Variants in PM20D2 observed in about 807,000 individuals in gnomAD.
PM20D2 encodes xaa-Arg dipeptidase.
A neutral mutation model predicts 42.9 loss-of-function variants in PM20D2; 33 were observed. That is an observed-to-expected ratio of 0.77 (90% CI 0.58 to 1.03). PM20D2 has a LOEUF of 1.03. PM20D2 is among the 50% of genes least tolerant of loss of function. The pLI is 0.00. For missense variants in PM20D2, 548 were observed against 557.0 expected (o/e 0.98, Z 0.16); for synonymous variants, 250 against 228.2 (o/e 1.10, Z -0.86).
the PM20D2 span, among the ~76,000 whole-genome samples, chr6:89,107,555 C>T: frequency 6.6e-6 from 1 of 152,114 alleles, no homozygotes; most frequent in South Asian, 2.1e-4. Flanking sequence ...CATGGTGAAA[C>T]CCCGTCTCTA....
the PM20D2 span, among the ~76,000 whole-genome samples, chr6:89,117,146 G>A: frequency 1.3e-5 from 2 of 152,126 alleles, no homozygotes; most frequent in Non-Finnish European, 2.9e-5. Flanking sequence ...CAACGGAGGG[G>A]TGGGGCATCA....
the PM20D2 span, among the ~76,000 whole-genome samples, chr6:89,125,256 G>A: frequency 1.7e-4 from 26 of 152,090 alleles, no homozygotes; most frequent in African/African-American, 4.3e-4. Flanking sequence ...CGAGGTGGGC[G>A]GATCACGAGG....
At chr6:89,136,601 C>G in the PM20D2 span, among the ~76,000 whole-genome samples, 1 of 150,814 alleles carries the variant, frequency 6.6e-6, no homozygotes, top group Non-Finnish European at 1.5e-5. Context: ...TGGCATGAAT[C>G]TGGGAGGCGG....
chr6:89,161,893 A>G lies in PM20D2; in HGVS notation c.1156+3A>G. The G allele has an allele frequency of 1.9e-6, 3 of 1,602,010 alleles. No individual in the cohort carries two copies. The highest frequency in any genetic ancestry group is 2.6e-6 in the Non-Finnish European group (3 of 1,169,084). ...TGAACAGTACACTGAAGCTGCTGGT[A>G]AGTGTTGTTGGATGTGACTGTTTTG... On this transcript the variant is annotated splice_donor_region_variant and intron_variant, in intron 6 of 6. Transcript: ENST00000275072.
At chr6:89,148,527 G>A in intron 1 of PM20D2, 1 of 981,892 alleles carries the variant, frequency 1.0e-6, no homozygotes, top group Non-Finnish European at 1.2e-6. Context: ...TTAATTAGGT[G>A]TTTGGTGACC....
At chr6:89,154,331 C>T (rs1770958170) in intron 3 of PM20D2, among the ~76,000 whole-genome samples, 1 of 151,880 alleles carries the variant, frequency 6.6e-6, no homozygotes, top group Non-Finnish European at 1.5e-5. Context: ...TAGCTAAATG[C>T]CATTTAAAAT....
At chr6:89,115,614 G>A in the PM20D2 span, among the ~76,000 whole-genome samples, 281 of 150,590 alleles carry the variant, frequency 1.9e-3, 3 homozygotes, top group African/African-American at 6.2e-3. Flanking sequence ...CTACAAATGG[G>A]GTTTTCTTTT....
the PM20D2 span, among the ~76,000 whole-genome samples, chr6:89,136,205 T>A: frequency 6.6e-6 from 1 of 151,156 alleles, no homozygotes; most frequent in Non-Finnish European, 1.5e-5. Flanking sequence ...TGAGGTCTCA[T>A]CATCTTTGTT....
chr6:89,119,807 C>G, the PM20D2 span, among the ~76,000 whole-genome samples: 4 of 152,206 alleles, frequency 2.6e-5, no homozygotes, highest in African/African-American at 9.6e-5. Flanking sequence ...TTCTCTCTCT[C>G]TTTCTCTGTC....
At chr6:89,105,214 A>T in the PM20D2 span, 1 of 1,611,938 alleles carries the variant, frequency 6.2e-7, no homozygotes, top group Non-Finnish European at 8.5e-7. Context: ...TCCTGTGATC[A>T]CTTGGAGAAC....
At chr6:89,098,899 T>C in the PM20D2 span, 2 of 1,613,948 alleles carry the variant, frequency 1.2e-6, no homozygotes, top group Admixed American at 3.3e-5. Flanking sequence ...TTGGTAATGA[T>C]TTGGAACGAG....
chr6:89,094,536 AT>A, the PM20D2 span, among the ~76,000 whole-genome samples: 1 of 152,086 alleles, frequency 6.6e-6, no homozygotes, highest in Non-Finnish European at 1.5e-5. Flanking sequence ...AGATATTTTA[AT>A]TTGTAACCTA....
At chr6:89,094,181 A>G in the PM20D2 span, among the ~76,000 whole-genome samples, 9 of 151,298 alleles carry the variant, frequency 5.9e-5, no homozygotes, top group Non-Finnish European at 1.5e-5. Flanking sequence ...TCAGCCTACC[A>G]AAGTGCTGGG....
the PM20D2 span, chr6:89,105,420 CACTT>C: frequency 6.3e-7 from 1 of 1,594,944 alleles, no homozygotes; most frequent in Non-Finnish European, 8.5e-7. Flanking sequence ...CATTCAGTCA[CACTT>C]ACTTTTGCGA....
chr6:89,160,055 T>G (rs1346866715), intron 5 of PM20D2, among the ~76,000 whole-genome samples: 3 of 152,194 alleles, frequency 2.0e-5, no homozygotes, highest in African/African-American at 7.2e-5. Context: ...AACAGGTTTT[T>G]TTTTGTCCAT....
At chr6:89,132,439 C>T in the PM20D2 span, among the ~76,000 whole-genome samples, 2 of 151,232 alleles carry the variant, frequency 1.3e-5, no homozygotes, top group Admixed American at 6.6e-5. Flanking sequence ...ACTTACGGAG[C>T]CCTCTCAATG....
chr6:89,137,457 T>G, the PM20D2 span, among the ~76,000 whole-genome samples: 1 of 152,248 alleles, frequency 6.6e-6, no homozygotes, highest in Non-Finnish European at 1.5e-5. Flanking sequence ...GATCAAATTA[T>G]TTTGGTTTAG....
the PM20D2 span, chr6:89,105,131 T>C: frequency 1.2e-6 from 2 of 1,612,262 alleles, no homozygotes; most frequent in Non-Finnish European, 1.7e-6. Context: ...TTTAAGGCTG[T>C]CTGACCGCCT....
At chr6:89,159,585 T>G (rs764200967) in intron 5 of PM20D2, among the ~76,000 whole-genome samples, 14 of 152,132 alleles carry the variant, frequency 9.2e-5, no homozygotes, top group Non-Finnish European at 1.2e-4. Flanking sequence ...TTCAAGAGAG[T>G]TAGCTTTCAA....
Sources: gnomAD v4.1 joint callset for allele counts (sites outside exome capture counted in the v4.1 genomes callset) on GRCh38, gnomAD v4.1.1 for gene constraint, MANE v1.5 for transcripts, NCBI Gene and HGNC (gene_info 2026-07-23, HGNC 2026-07-21) for gene names.